Variants in CCDC68 observed in about 807,000 individuals in gnomAD.
The protein encoded by CCDC68 is coiled-coil domain containing 68.
In CCDC68, 45 loss-of-function variants were observed where a neutral mutation model predicts 47.1. The ratio of observed to expected loss-of-function variants is 0.96; its 90% CI spans 0.75 to 1.23. CCDC68 has a LOEUF of 1.23. Ranked by LOEUF, CCDC68 falls within the 50% of genes most tolerant of loss-of-function variation. The pLI is 0.00. For missense variants in CCDC68, 353 were observed against 373.6 expected (o/e 0.94, Z 0.45); for synonymous variants, 131 against 129.5 (o/e 1.01, Z -0.08).
At chr18:54,920,984 T>C (rs1298549401) in intron 8 of CCDC68, among the ~76,000 whole-genome samples, 1 of 152,182 alleles carries the variant, frequency 6.6e-6, no homozygotes. Context: ...GAAAATGTGT[T>C]ATATATACAC....
At chr18:54,917,234 A>G (rs1197554718) in intron 10 of CCDC68, among the ~76,000 whole-genome samples, 1 of 152,228 alleles carries the variant, frequency 6.6e-6, no homozygotes, top group African/African-American at 2.4e-5. Context: ...ACAGGCTTCT[A>G]GAAGTAGGTA....
chr18:54,923,806 G>T lies in CCDC68; in HGVS notation c.684-4430C>A, dbSNP rs545829104. Among the ~76,000 whole-genome samples, 105 of 151,748 alleles carry T rather than the reference G, an allele frequency of 6.9e-4. 1 individual carries two copies. The highest frequency in any genetic ancestry group is 6.8e-3 in the Middle Eastern group (2 of 294). On this transcript the variant is annotated intron_variant, in intron 8 of 11. Transcript: ENST00000591504. ...GGCTCACTGCAACCTCCAGCTCCTG[G>T]GTATAAGTGATTCTCCTGCCTTAGC...
Position 54,904,380 on chromosome 18 carries a change from A to G in CCDC68, c.986T>C (p.Met329Thr). ...LKTEGVSPYL[M>T]LIRLRK Reference sequence around the variant, plus strand: ...AGTTCATTTCCGTAACCTAATCAACATTAAATAAGGGGAAACACCTTCGGT... The same window carrying G: ...AGTTCATTTCCGTAACCTAATCAACGTTAAATAAGGGGAAACACCTTCGGT... The change falls in exon 12 of 12, where the codon ATG (methionine) becomes ACG (threonine). Residue 329 changes from methionine to threonine, a missense_variant. By Grantham distance (81) the Met-to-Thr change is moderately conservative. Coordinates refer to ENST00000591504, the MANE Select transcript of CCDC68 (RefSeq NM_025214.3). 6.2e-7 allele frequency: 1 copy of G among 1,613,560 alleles called. No homozygotes were observed. Among genetic ancestry groups the G allele is most frequent in the Non-Finnish European group, 8.5e-7 (1 of 1,179,508 alleles).
chr18:54,935,630 C>T (rs1160708350), intron 6 of CCDC68, among the ~76,000 whole-genome samples: 4 of 152,182 alleles, frequency 2.6e-5, no homozygotes, highest in Admixed American at 6.5e-5. Context: ...TCCCCACAAG[C>T]GCCCCCATAG....
At chr18:54,932,429 G>A (rs973997245) in intron 7 of CCDC68, among the ~76,000 whole-genome samples, 3 of 151,846 alleles carry the variant, frequency 2.0e-5, no homozygotes, top group African/African-American at 4.8e-5. Flanking sequence ...GGCCTCAAGC[G>A]ATCCTCCTGC....
intron 8 of CCDC68, among the ~76,000 whole-genome samples, chr18:54,920,754 A>T (rs2044043830): frequency 6.6e-6 from 1 of 152,216 alleles, no homozygotes; most frequent in Non-Finnish European, 1.5e-5. Context: ...TGGGAATGTA[A>T]ATTAGTTCAG....
At chr18:54,919,462 A>G (rs867700016) in intron 8 of CCDC68, 86 bp from the exon 9 acceptor site, 3 of 1,038,782 alleles carry the variant, frequency 2.9e-6, no homozygotes, top group Middle Eastern at 3.0e-4. Context: ...CCTCCTACAC[A>G]CTCTACTGCT....
chr18:54,932,254 G>A (rs995832573), intron 7 of CCDC68, among the ~76,000 whole-genome samples: 4 of 149,960 alleles, frequency 2.7e-5, no homozygotes, highest in Non-Finnish European at 4.4e-5. Flanking sequence ...GCGTCATCTC[G>A]GCTCACTGCA....
At chr18:54,917,432 A>G (rs1380419355) in intron 10 of CCDC68, among the ~76,000 whole-genome samples, 1 of 152,216 alleles carries the variant, frequency 6.6e-6, no homozygotes, top group Non-Finnish European at 1.5e-5. Flanking sequence ...CCATATCGAG[A>G]GAAGTTATCA....
At chr18:54,939,304 G>T (rs1345132442) in intron 4 of CCDC68, among the ~76,000 whole-genome samples, 2 of 151,834 alleles carry the variant, frequency 1.3e-5, no homozygotes, top group East Asian at 3.9e-4. Flanking sequence ...AACTCTTGAA[G>T]AAGGCAGATT....
At chr18:54,912,968 A>G (rs1229672695) in intron 10 of CCDC68, among the ~76,000 whole-genome samples, 1 of 152,192 alleles carries the variant, frequency 6.6e-6, no homozygotes, top group Non-Finnish European at 1.5e-5. Context: ...GGTCCCTCCC[A>G]CAACACATGG....
intron 8 of CCDC68, among the ~76,000 whole-genome samples, chr18:54,923,487 A>G (rs1411024512): frequency 2.0e-5 from 3 of 152,104 alleles, no homozygotes; most frequent in African/African-American, 7.2e-5. Flanking sequence ...GAAGAAAACT[A>G]TTTCTAGAAG....
rs554711166 is a variant in CCDC68 at position 54,932,188 on chromosome 18, GT to G, written c.600+2631del. On this transcript the variant is annotated intron_variant, in intron 7 of 11. Transcript: ENST00000591504. ...TATAAAATATTTTTAAACCAATTTG[GT>G]TTTTTTTTTTTTTGAGACAGAGTCC... Among the ~76,000 whole-genome samples, 88 of 141,906 alleles carry G rather than the reference GT, an allele frequency of 6.2e-4. 1 individual carries two copies. Among genetic ancestry groups the G allele is most frequent in the South Asian group, 2.7e-3 (12 of 4,386 alleles). The allele number at this position is 141,906 out of a possible 152,430, so 93.1% of individuals were successfully genotyped here.
At chr18:54,924,901 A>G (rs752891849) in intron 8 of CCDC68, among the ~76,000 whole-genome samples, 73 of 152,244 alleles carry the variant, frequency 4.8e-4, no homozygotes, top group Non-Finnish European at 9.6e-4. Context: ...CCCTGTTCCA[A>G]TGGCTTTTAT....
At chr18:54,938,622 A>G (rs2044388381) in intron 4 of CCDC68, among the ~76,000 whole-genome samples, 1 of 152,264 alleles carries the variant, frequency 6.6e-6, no homozygotes, top group South Asian at 2.1e-4. Flanking sequence ...ATACACTTGG[A>G]ACATAAATCT....
chr18:54,927,084 A>C (rs1162434110), intron 8 of CCDC68, among the ~76,000 whole-genome samples: 1 of 152,172 alleles, frequency 6.6e-6, no homozygotes, highest in Admixed American at 6.6e-5. Context: ...GTAGTAGCTT[A>C]ATCAAGTCTC....
chr18:54,943,466 T>A (rs929748076), intron 2 of CCDC68, among the ~76,000 whole-genome samples: 1 of 152,128 alleles, frequency 6.6e-6, no homozygotes, highest in Admixed American at 6.6e-5. Flanking sequence ...ACCACATATA[T>A]ATATTATCTA....
chr18:54,924,465 A>T (rs2044113261), intron 8 of CCDC68, among the ~76,000 whole-genome samples: 1 of 152,198 alleles, frequency 6.6e-6, no homozygotes, highest in African/African-American at 2.4e-5. Flanking sequence ...GGGGGCAAGC[A>T]GAAAAAGCCC....
intron 8 of CCDC68, among the ~76,000 whole-genome samples, chr18:54,927,445 A>C (rs1049627832): frequency 9.9e-4 from 150 of 152,122 alleles, no homozygotes; most frequent in African/African-American, 3.6e-3. Context: ...ATTTTTTTTA[A>C]AACACATTTT....
Sources: gnomAD v4.1 joint callset for allele counts (sites outside exome capture counted in the v4.1 genomes callset) on GRCh38, gnomAD v4.1.1 for gene constraint, MANE v1.5 for transcripts, NCBI Gene and HGNC (gene_info 2026-07-23, HGNC 2026-07-21) for gene names.